The following MAGI3 variants were observed in gnomAD, a reference collection of about 807,000 sequenced individuals.
MAGI3 encodes membrane associated guanylate kinase, WW and PDZ domain containing 3.
MAGI3 carries 43 observed loss-of-function variants against 121.8 expected under a neutral mutation model. The ratio of observed to expected loss-of-function variants is 0.35; its 90% CI spans 0.28 to 0.46. The LOEUF is 0.46. MAGI3 is among the 20% of genes least tolerant of loss of function. The pLI is 1.00. For synonymous variants in MAGI3, 553 were observed against 639.3 expected (o/e 0.86, Z 2.04); for missense variants, 1,547 against 1,797.3 (o/e 0.86, Z 2.52).
At chr1:113,570,375 A>G (rs1647228423) in intron 2 of MAGI3, among the ~76,000 whole-genome samples, 8 of 152,154 alleles carry the variant, frequency 5.3e-5, no homozygotes, top group Admixed American at 5.2e-4. Flanking sequence ...TCTTTATAGT[A>G]GAAGGATTTA....
chr1:113,664,562 T>TA (rs1557881351), intron 16 of MAGI3, among the ~76,000 whole-genome samples: 1 of 152,032 alleles, frequency 6.6e-6, no homozygotes. Flanking sequence ...CTTAAAAAAA[T>TA]AAAAAAACAG....
chr1:113,475,675 G>T lies in MAGI3; in HGVS notation c.317-73840G>T, dbSNP rs149344338. Among the ~76,000 whole-genome samples the T allele has an allele frequency of 8.3e-3, 1,259 of 152,158 alleles. 11 individuals are homozygous for T. The highest frequency in any genetic ancestry group is 0.011 in the Non-Finnish European group (767 of 67,986). On this transcript the variant is annotated intron_variant, in intron 1 of 20. Transcript: ENST00000307546. ...ATTTTCGCATCAATACAGGGATATT[G>T]GTCTAAAATTCTCTTTTTTTGTTGT...
At chr1:113,610,827 G>A (rs976212646) in intron 6 of MAGI3, among the ~76,000 whole-genome samples, 4 of 151,936 alleles carry the variant, frequency 2.6e-5, no homozygotes, top group African/African-American at 7.2e-5. Flanking sequence ...CTAGCTACCC[G>A]GGAGACTGAG....
chr1:113,434,058 C>T (rs1315485588), intron 1 of MAGI3, among the ~76,000 whole-genome samples: 1 of 152,138 alleles, frequency 6.6e-6, no homozygotes, highest in Admixed American at 6.6e-5. Context: ...GCTCCAAATT[C>T]ATCCTTCATT....
intron 2 of MAGI3, among the ~76,000 whole-genome samples, chr1:113,572,079 GTTTATTGAGAGTT>G (rs1286572465): frequency 6.6e-6 from 1 of 152,114 alleles, no homozygotes; most frequent in Non-Finnish European, 1.5e-5. Flanking sequence ...TCAATGCCCA[GTTTATTGAGAGTT>G]TTTAGCATGA....
At chr1:113,412,403 G>A (rs924961641) in intron 1 of MAGI3, among the ~76,000 whole-genome samples, 1 of 152,142 alleles carries the variant, frequency 6.6e-6, no homozygotes, top group Non-Finnish European at 1.5e-5. Context: ...TGGGATTGCT[G>A]AGTCAAATGG....
At chr1:113,538,043 A>G (rs1659089526) in intron 1 of MAGI3, among the ~76,000 whole-genome samples, 1 of 152,208 alleles carries the variant, frequency 6.6e-6, no homozygotes, top group South Asian at 2.1e-4. Context: ...GTCAGTATAT[A>G]TTTTTAAAAG....
chr1:113,524,098 A>G (rs1658336545), intron 1 of MAGI3, among the ~76,000 whole-genome samples: 3 of 152,210 alleles, frequency 2.0e-5, no homozygotes, highest in Admixed American at 2.0e-4. Flanking sequence ...TTGAGCCTGC[A>G]GGTGCATAGA....
intron 1 of MAGI3, among the ~76,000 whole-genome samples, chr1:113,411,837 ATTTG>A (rs986982586): frequency 1.9e-4 from 29 of 152,072 alleles, no homozygotes; most frequent in African/African-American, 6.7e-4. Flanking sequence ...AAAATGTACA[ATTTG>A]TTTGTGAAAG....
At chr1:113,547,270 A>G (rs1262088484) in intron 1 of MAGI3, among the ~76,000 whole-genome samples, 1 of 151,052 alleles carries the variant, frequency 6.6e-6, no homozygotes, top group Admixed American at 6.7e-5. Context: ...ACGTTATACC[A>G]TATCTGACAG....
intron 2 of MAGI3, among the ~76,000 whole-genome samples, chr1:113,553,749 G>A (rs1273509797): frequency 6.6e-6 from 1 of 152,208 alleles, no homozygotes; most frequent in South Asian, 2.1e-4. Context: ...AGTGGCTCAC[G>A]CCTGTAATCC....
At position 113,658,934 on chromosome 1, in the gene MAGI3, T is replaced by C; in HGVS notation, c.2630-146T>C. The C allele has an allele frequency of 2.9e-6, 2 of 680,854 alleles. No individual in the cohort carries two copies. The highest frequency in any genetic ancestry group is 2.6e-5 in the East Asian group (1 of 38,340). 42.2% of individuals were successfully genotyped at this position (680,854 alleles called of 1,614,324 possible). A position where few individuals can be genotyped will look rare whatever the true frequency, so the allele number is the denominator to read the frequency against. Reference sequence around the variant, plus strand: ...AAGTATGAAAATAGTTCCGTTTGGATGCGATGATGACGTGTGGTACTTTTC... The same window carrying C: ...AAGTATGAAAATAGTTCCGTTTGGACGCGATGATGACGTGTGGTACTTTTC... On this transcript the variant is annotated intron_variant, in intron 15 of 20. Transcript: ENST00000307546. This position sits in a 1 kb window ranked among gnomAD's most constrained non-coding sequence, Gnocchi z 4.0.
Position 113,592,697 on chromosome 1 carries a change from A to C in MAGI3, c.939-1784A>C, listed in dbSNP as rs563337969. On this transcript the variant is annotated intron_variant, in intron 5 of 20. Coordinates refer to ENST00000307546, the MANE Select transcript of MAGI3 (RefSeq NM_001142782.2). ...GATAATCTCACTTTTTTCTACAGAA[A>C]TAAGCTATTATTCAGCATATTAAAA... is the stretch of plus-strand genomic sequence containing the variant. Among the ~76,000 whole-genome samples the C allele has an allele frequency of 2.0e-5, 3 of 152,314 alleles. No individual in the cohort carries two copies. The East Asian group carries it at 5.8e-4, about 29-fold the overall frequency.
At chr1:113,644,043 T>C (rs1652696419) in intron 11 of MAGI3, among the ~76,000 whole-genome samples, 1 of 152,206 alleles carries the variant, frequency 6.6e-6, no homozygotes, top group African/African-American at 2.4e-5. Context: ...TTATAAAATG[T>C]GAACACATTA....
chr1:113,461,507 A>G (rs866152016), intron 1 of MAGI3, among the ~76,000 whole-genome samples: 18 of 152,228 alleles, frequency 1.2e-4, no homozygotes, highest in Admixed American at 2.6e-4. Context: ...GTGCTGGGAT[A>G]ACTGGCTAGC....
At chr1:113,605,293 A>G (rs1208078820) in intron 6 of MAGI3, among the ~76,000 whole-genome samples, 1 of 152,222 alleles carries the variant, frequency 6.6e-6, no homozygotes, top group Non-Finnish European at 1.5e-5. Flanking sequence ...TATTCATGCA[A>G]TAAAATACTA....
intron 19 of MAGI3, among the ~76,000 whole-genome samples, chr1:113,677,468 C>A (rs1647946503): frequency 6.6e-6 from 1 of 152,136 alleles, no homozygotes; most frequent in South Asian, 2.1e-4. Flanking sequence ...CCGTCGTCCT[C>A]GAAGATCGGT....
chr1:113,437,865 T>TC (rs1653683092), intron 1 of MAGI3, among the ~76,000 whole-genome samples: 1 of 8,698 alleles, frequency 1.1e-4, no homozygotes, highest in Admixed American at 1.5e-3. Flanking sequence ...TTCTTCTTCC[T>TC]CTTCTTCTTC....
intron 16 of MAGI3, among the ~76,000 whole-genome samples, chr1:113,660,064 G>A (rs1046051422): frequency 1.6e-4 from 25 of 152,030 alleles, no homozygotes; most frequent in African/African-American, 5.8e-4. Context: ...TGGTTTCCAA[G>A]TCTTTTATAC....
Sources: allele counts gnomAD v4.1 joint callset (sites outside exome capture counted in the v4.1 genomes callset), GRCh38; gene constraint gnomAD v4.1.1; non-coding constraint Gnocchi (gnomAD v3.1); transcripts MANE v1.5; gene names NCBI Gene and HGNC (gene_info 2026-07-23, HGNC 2026-07-21).